The following CDA variants were observed in gnomAD, a reference collection of about 807,000 sequenced individuals.
The protein encoded by CDA is cytidine deaminase, also known as cytidine aminohydrolase.
CDA carries 7 observed loss-of-function variants against 15.0 expected under a neutral mutation model. The observed-to-expected ratio is 0.47, with a 90% CI of 0.26 to 0.87. The LOEUF is 0.87. Ranked by LOEUF, CDA falls within the 40% of genes least tolerant of loss-of-function variation. The pLI, the probability that CDA is intolerant of heterozygous loss-of-function variation, is 0.15. For synonymous variants in CDA, 58 were observed against 73.0 expected, an observed-to-expected ratio of 0.79 and a Z score of 1.05; for missense variants, 159 against 182.7, an observed-to-expected ratio of 0.87 and a Z score of 0.75.
chr1:20,613,989 G>T (rs1395720536), intron 3 of CDA, 90 bp downstream of exon 3: 1 of 1,214,288 alleles, frequency 8.2e-7, no homozygotes, highest in South Asian at 1.2e-5. Flanking sequence ...TGGCAGGCAT[G>T]GCAGGCGTGG....
chr1:20,600,533 A>G (rs2052633394), intron 1 of CDA, among the ~76,000 whole-genome samples: 2 of 152,060 alleles, frequency 1.3e-5, no homozygotes, highest in Non-Finnish European at 2.9e-5. Flanking sequence ...AGCTGGGCGG[A>G]TCACTTGAGG....
chr1:20,614,326 CAG>C (rs1349396154), intron 3 of CDA, among the ~76,000 whole-genome samples: 2 of 151,638 alleles, frequency 1.3e-5, no homozygotes, highest in Non-Finnish European at 2.9e-5. Context: ...AACGGGCAAA[CAG>C]GGGACACTGC....
chr1:20,603,263 A>G (rs1009110662), intron 1 of CDA, among the ~76,000 whole-genome samples: 3 of 152,196 alleles, frequency 2.0e-5, no homozygotes, highest in Non-Finnish European at 2.9e-5. Context: ...TAACAAACAG[A>G]TTCCAAGATG....
intron 3 of CDA, 50 bp from the exon 4 acceptor site, chr1:20,618,402 G>A (rs2052838571): frequency 9.5e-7 from 1 of 1,053,384 alleles, no homozygotes; most frequent in African/African-American, 1.6e-5. Context: ...GTCCGTCTCA[G>A]CCCCCTCAGC....
rs150257555 is a variant in CDA, at chr1:20,617,903, C to T, written c.325-549C>T. Among the ~76,000 whole-genome samples the T allele has an allele frequency of 5.9e-5, 9 of 152,128 alleles. No homozygotes were observed. In the East Asian group the frequency reaches 1.7e-3, roughly 29 times the overall value. On this transcript the variant is annotated intron_variant, in intron 3 of 3. Coordinates refer to ENST00000375071, the MANE Select transcript of CDA (RefSeq NM_001785.3). ...GAGAGATGAAGTTTCACCATGTTGGCCAGGCTCATCTCGAACTCCTGACCT... is the reference window on the plus strand; with the variant it reads ...GAGAGATGAAGTTTCACCATGTTGGTCAGGCTCATCTCGAACTCCTGACCT...
At position 20,605,052 on chromosome 1, in the gene CDA, G is replaced by C. The variant is rs776331183; in HGVS notation, c.266+13G>C. ...TTGCTATCGCCAGGTGAGTGGGAAAGCCAGGTTGCAACAATATTCATTCAT... is the reference window on the plus strand; with the variant it reads ...TTGCTATCGCCAGGTGAGTGGGAAACCCAGGTTGCAACAATATTCATTCAT... On this transcript the variant is annotated intron_variant, in intron 2 of 3. Transcript: ENST00000375071. The C allele has an allele frequency of 6.7e-7, 1 of 1,500,120 alleles. No individual in the cohort carries two copies. The highest frequency in any genetic ancestry group is 1.7e-5 in the Admixed American group (1 of 59,530). The allele number at this position is 1,500,120 out of a possible 1,614,324, so 92.9% of individuals were successfully genotyped here. A position where few individuals can be genotyped will look rare whatever the true frequency, so the allele number is the denominator to read the frequency against.
intron 1 of CDA, among the ~76,000 whole-genome samples, chr1:20,591,131 A>G (rs1349524196): frequency 6.6e-6 from 1 of 152,152 alleles, no homozygotes; most frequent in Non-Finnish European, 1.5e-5. Context: ...CGATGTCAGG[A>G]GATCGAGACC....
At chr1:20,609,917 A>G (rs1253459750) in intron 2 of CDA, among the ~76,000 whole-genome samples, 2 of 152,240 alleles carry the variant, frequency 1.3e-5, no homozygotes, top group East Asian at 1.9e-4. Context: ...CCATCATCCC[A>G]TGGAACAGAA....
At position 20,611,519 on chromosome 1, in the gene CDA, T is replaced by C. The variant is rs374382376; in HGVS notation, c.267-2323T>C. Among the ~76,000 whole-genome samples, 64 of 152,290 alleles carry C rather than the reference T, an allele frequency of 4.2e-4. 2 individuals carry two copies. The highest frequency in any genetic ancestry group is 1.5e-3 in the African/African-American group (64 of 41,576). ...CCTCAGCCTCCTGGGTAGCTGGGAC[T>C]ATAGGTGTGCACCACCACACCCAGC... is the stretch of plus-strand genomic sequence containing the variant. On this transcript the variant is annotated intron_variant, in intron 2 of 3. Transcript: ENST00000375071.
At chr1:20,592,061 C>A (rs772250422) in intron 1 of CDA, among the ~76,000 whole-genome samples, 2 of 152,024 alleles carry the variant, frequency 1.3e-5, no homozygotes, top group Non-Finnish European at 2.9e-5. Context: ...AATCTGGTCT[C>A]GAACTCTGAG....
intron 3 of CDA, among the ~76,000 whole-genome samples, chr1:20,616,753 T>C (rs2052816451): frequency 6.6e-6 from 1 of 152,210 alleles, no homozygotes; most frequent in Non-Finnish European, 1.5e-5. Flanking sequence ...GCCAGGGACC[T>C]GACACGTAAA....
chr1:20,595,829 A>G (rs1327332948), intron 1 of CDA, among the ~76,000 whole-genome samples: 2 of 139,086 alleles, frequency 1.4e-5, no homozygotes, highest in Non-Finnish European at 3.1e-5. Flanking sequence ...CGGGCAACAG[A>G]GCAAGACTCT....
chr1:20,615,699 G>A (rs1327519076), intron 3 of CDA, among the ~76,000 whole-genome samples: 1 of 151,696 alleles, frequency 6.6e-6, no homozygotes, highest in Non-Finnish European at 1.5e-5. Flanking sequence ...AATATCAAGA[G>A]CCCCTCGAAA....
At chr1:20,605,097 C>T in intron 2 of CDA, 58 bp downstream of exon 2, 1 of 993,382 alleles carries the variant, frequency 1.0e-6, no homozygotes, top group Non-Finnish European at 1.6e-6. Context: ...CAACATCTTC[C>T]TTACACATAT....
chr1:20,614,919 T>A (rs61781968), intron 3 of CDA, among the ~76,000 whole-genome samples: 1 of 151,914 alleles, frequency 6.6e-6, no homozygotes, highest in African/African-American at 2.4e-5. Flanking sequence ...TGGAGTGCAG[T>A]GGTAGAGTCT....
chr1:20,615,258 A>G lies in CDA; in HGVS notation c.324+1359A>G, dbSNP rs1440233805. On this transcript the variant is annotated intron_variant, in intron 3 of 3. Transcript: ENST00000375071. ...GGAAAAAAGGGAATAAAGGTAAGCC[A>G]TTGGATATTTTCAAGAAGAAACTTG... Among the ~76,000 whole-genome samples, 11 of 152,258 alleles carry G rather than the reference A, an allele frequency of 7.2e-5. No homozygotes were observed. In the East Asian group the frequency reaches 2.1e-3, roughly 29 times the overall value.
At chr1:20,615,836 T>C (rs943127025) in intron 3 of CDA, among the ~76,000 whole-genome samples, 1 of 152,024 alleles carries the variant, frequency 6.6e-6, no homozygotes, top group Non-Finnish European at 1.5e-5. Context: ...CCCGGTCCCT[T>C]CAAACAATTT....
intron 1 of CDA, among the ~76,000 whole-genome samples, chr1:20,601,118 C>A (rs1338624306): frequency 6.6e-6 from 1 of 152,196 alleles, no homozygotes; most frequent in African/African-American, 2.4e-5. Context: ...TGTAGCCAGA[C>A]CTCAGGGGCA....
intron 2 of CDA, among the ~76,000 whole-genome samples, chr1:20,605,603 T>C (rs6657978): frequency 0.018 from 2,154 of 119,572 alleles, 410 homozygotes; most frequent in African/African-American, 0.06. Context: ...GAGCTTGCAG[T>C]GAGCCGAGAT....
Sources: allele counts gnomAD v4.1 joint callset (sites outside exome capture counted in the v4.1 genomes callset), GRCh38; gene constraint gnomAD v4.1.1; transcripts MANE v1.5; gene names NCBI Gene and HGNC (gene_info 2026-07-23, HGNC 2026-07-21).